The following VAC14 variants were observed in gnomAD, a reference collection of about 807,000 sequenced individuals.
VAC14 encodes the protein VAC14 component of PIKFYVE complex.
VAC14 carries 47 observed loss-of-function variants against 85.3 expected under a neutral mutation model. The ratio of observed to expected loss-of-function variants is 0.55; its 90% CI spans 0.44 to 0.70. VAC14 has a LOEUF of 0.70. Ranked by LOEUF, VAC14 falls within the 30% of genes least tolerant of loss-of-function variation. The pLI, the probability that VAC14 is intolerant of heterozygous loss-of-function variation, is 0.00. For missense variants in VAC14, 861 were observed against 1,004.3 expected, an observed-to-expected ratio of 0.86 and a Z score of 1.93; for synonymous variants, 447 against 430.5, an observed-to-expected ratio of 1.04 and a Z score of -0.47.
rs1018620197 is a variant in VAC14 at position 70,690,308 on chromosome 16, G to A, written c.2187-2218C>T. Reference sequence around the variant, plus strand: ...GCTGCTGAGCACAGAGGCCAGGCCCGCTCTCCCTGCCCCACCTAATGCAGA... The same window carrying A: ...GCTGCTGAGCACAGAGGCCAGGCCCACTCTCCCTGCCCCACCTAATGCAGA... On this transcript the variant is annotated intron_variant, in intron 18 of 18. Coordinates refer to ENST00000261776, the MANE Select transcript of VAC14 (RefSeq NM_018052.5). 1.5e-5 allele frequency: 15 copies of A among 985,346 alleles called. No individual in the cohort carries two copies. In the South Asian group the frequency reaches 1.9e-4, roughly 12 times the overall value. 61.0% of individuals were successfully genotyped at this position (985,346 alleles called of 1,614,324 possible). A position where few individuals can be genotyped will look rare whatever the true frequency, so the allele number is the denominator to read the frequency against.
intron 14 of VAC14, chr16:70,700,019 A>G (rs2053792690): frequency 6.6e-6 from 1 of 150,602 alleles, no homozygotes; most frequent in Non-Finnish European, 1.5e-5. Flanking sequence ...CGTGAGCCAC[A>G]TTTCTTGGTG....
intron 1 of VAC14, among the ~76,000 whole-genome samples, chr16:70,788,250 C>T (rs187389178): frequency 9.2e-4 from 140 of 152,330 alleles, no homozygotes; most frequent in African/African-American, 2.4e-3. Flanking sequence ...GGCAAAAAGG[C>T]TGTTCAAAGA....
At chr16:70,769,104 C>T (rs1257888096) in intron 10 of VAC14, 2 of 204,506 alleles carry the variant, frequency 9.8e-6, no homozygotes, top group Non-Finnish European at 2.0e-5. Context: ...GCGTGAGCCA[C>T]CGTGCCCAGC....
chr16:70,740,904 G>T (rs976835306), intron 13 of VAC14, among the ~76,000 whole-genome samples: 1 of 152,242 alleles, frequency 6.6e-6, no homozygotes, highest in Non-Finnish European at 1.5e-5. Context: ...CTGCCTCGGG[G>T]GGCCCTGGGA....
At chr16:70,772,728 T>C (rs1258327959) in intron 9 of VAC14, 2 of 152,286 alleles carry the variant, frequency 1.3e-5, no homozygotes, top group Non-Finnish European at 2.9e-5. Context: ...CCTAGGTATA[T>C]GCCAAAGAGA....
Position 70,731,644 on chromosome 16 carries a change from A to G in VAC14, c.1529-17T>C, listed in dbSNP as rs781259852. 15 of 1,612,848 alleles carry G rather than the reference A, an allele frequency of 9.3e-6. No homozygotes were observed. The highest frequency in any genetic ancestry group is 1.7e-6 in the Non-Finnish European group (2 of 1,179,572). ...CTTTGGTACCTGTAGAGAAAGGGAT[A>G]GAGCCAGCATTTATTCTGATTATGT... On this transcript the variant is annotated splice_polypyrimidine_tract_variant and intron_variant, in intron 13 of 18. Transcript: ENST00000261776.
Position 70,732,499 on chromosome 16 carries a change from T to C in VAC14, c.1529-872A>G, listed in dbSNP as rs558255717. 2.0e-5 allele frequency among the ~76,000 whole-genome samples: 3 copies of C among 152,292 alleles called. No individual in the cohort carries two copies. In the East Asian group the frequency reaches 5.8e-4, roughly 29 times the overall value. Reference sequence around the variant, plus strand: ...GACAAGGGAAAGGCTGATGGAATACTTGGATGGTCTGGGGTAGCGTATCTG... The same window carrying C: ...GACAAGGGAAAGGCTGATGGAATACCTGGATGGTCTGGGGTAGCGTATCTG... On this transcript the variant is annotated intron_variant, in intron 13 of 18. Transcript: ENST00000261776.
intron 13 of VAC14, among the ~76,000 whole-genome samples, chr16:70,742,490 T>C (rs570288656): frequency 6.6e-6 from 1 of 152,232 alleles, no homozygotes; most frequent in African/African-American, 2.4e-5. Context: ...GGACGGAGAA[T>C]GGACTCGTTT....
At chr16:70,707,143 C>T (rs2053936056) in intron 14 of VAC14, among the ~76,000 whole-genome samples, 1 of 152,232 alleles carries the variant, frequency 6.6e-6, no homozygotes, top group African/African-American at 2.4e-5. Context: ...CCTGCCCCTC[C>T]CCCTCTGCTC....
intron 14 of VAC14, among the ~76,000 whole-genome samples, chr16:70,721,242 T>C (rs913172086): frequency 1.3e-5 from 2 of 151,926 alleles, no homozygotes; most frequent in African/African-American, 4.8e-5. Context: ...AGAAAGGACG[T>C]ATAGATTGAC....
chr16:70,784,153 T>A lies in VAC14; in HGVS notation c.554A>T (p.Tyr185Phe), dbSNP rs2033942736. 1.2e-6 allele frequency: 2 copies of A among 1,613,988 alleles called. No individual in the cohort carries two copies. Among genetic ancestry groups the A allele is most frequent in the Non-Finnish European group, 1.7e-6 (2 of 1,180,004 alleles). ...SFIPLLRERI[Y>F]SNNQYARQFI... ...CTGCCGGGCATACTGGTTGTTGGAG[T>A]AAATCCTCTCTCGCAACAAGGGGAT... The change falls in exon 5 of 19, where the codon TAC becomes TTC. Residue 185 changes from tyrosine to phenylalanine, a missense_variant. Tyr to Phe is a conservative substitution (Grantham distance 22). Coordinates refer to ENST00000261776, the MANE Select transcript of VAC14 (RefSeq NM_018052.5).
At chr16:70,781,064 G>C (rs1032917401) in intron 8 of VAC14, 125 bp from the exon 9 acceptor site, 2 of 1,361,348 alleles carry the variant, frequency 1.5e-6, no homozygotes, top group African/African-American at 2.9e-5. Context: ...CATGGGGGTG[G>C]ATCCCTCACA....
intron 14 of VAC14, among the ~76,000 whole-genome samples, chr16:70,728,692 G>A (rs907521512): frequency 6.6e-6 from 1 of 152,202 alleles, no homozygotes; most frequent in Non-Finnish European, 1.5e-5. Context: ...CTCGCCATGC[G>A]TCTTGGTCAT....
rs368381262 is a variant in VAC14 at position 70,750,538 on chromosome 16, C to T, written c.1372-5959G>A. The stretch of plus-strand genomic sequence containing the variant: ...AGTGAAAGGGTCAGGGTTGGTGGCA[C>T]CTGGGTGTGGGCAGCATCTCACAAA... On this transcript the variant is annotated intron_variant, in intron 12 of 18. Transcript: ENST00000261776. Among the ~76,000 whole-genome samples, 77 of 152,104 alleles carry T rather than the reference C, an allele frequency of 5.1e-4. 1 individual carries two copies. In the East Asian group the frequency reaches 6.0e-3, roughly 12 times the overall value.
chr16:70,744,047 G>A (rs1227034197), intron 13 of VAC14, among the ~76,000 whole-genome samples: 5 of 152,082 alleles, frequency 3.3e-5, no homozygotes, highest in Non-Finnish European at 5.9e-5. Context: ...GAAGGGAATG[G>A]CCACCTAGTC....
At chr16:70,698,128 A>C (rs2053751270) in intron 15 of VAC14, among the ~76,000 whole-genome samples, 2 of 152,182 alleles carry the variant, frequency 1.3e-5, no homozygotes, top group African/African-American at 4.8e-5. Flanking sequence ...ATGGGCAACA[A>C]ACTTGACACC....
At chr16:70,717,296 C>T (rs1458123578) in intron 14 of VAC14, among the ~76,000 whole-genome samples, 2 of 152,222 alleles carry the variant, frequency 1.3e-5, no homozygotes, top group East Asian at 3.9e-4. Flanking sequence ...AAGCGGGTGG[C>T]CTGTCCACTA....
intron 6 of VAC14, 76 bp from the exon 7 acceptor site, chr16:70,783,215 C>T (rs1381997688): frequency 1.1e-5 from 17 of 1,481,302 alleles, no homozygotes; most frequent in South Asian, 8.6e-5. Context: ...GCCCCATTTC[C>T]GTGCTGGGTC....
In VAC14 at chr16:70,766,141, G is replaced by C. The variant is rs139858525; in HGVS notation, c.1161-3116C>G. 3.8e-3 allele frequency among the ~76,000 whole-genome samples: 553 copies of C among 144,820 alleles called. 4 individuals are homozygous for C. In the Middle Eastern group the frequency reaches 0.049, roughly 13 times the overall value. ...TACTCCAGCCTGGGTGACAGAGCAA[G>C]ACCCTGTCCCAAAAGAAAAAAAAAA... On this transcript the variant is annotated intron_variant, in intron 10 of 18. Transcript: ENST00000261776.
Sources: gnomAD v4.1 joint callset for allele counts (sites outside exome capture counted in the v4.1 genomes callset) on GRCh38, gnomAD v4.1.1 for gene constraint, MANE v1.5 for transcripts, NCBI Gene and HGNC (gene_info 2026-07-23, HGNC 2026-07-21) for gene names.